TCF7L2: variants seen among roughly 807,000 people sequenced by gnomAD.
TCF7L2 encodes transcription factor 7 like 2, also known as transcription factor 7-like 2.
Under a neutral mutation model 77.9 loss-of-function variants are expected in TCF7L2, and 23 were observed. The observed-to-expected ratio is 0.30, with a 90% CI of 0.21 to 0.42. The LOEUF is 0.42. Ranked by LOEUF, TCF7L2 falls within the 10% of genes least tolerant of loss-of-function variation. The pLI is 1.00. For synonymous variants in TCF7L2, 413 were observed against 340.2 expected, an observed-to-expected ratio of 1.21 and a Z score of -2.36; for missense variants, 654 against 793.1, an observed-to-expected ratio of 0.82 and a Z score of 2.11.
At chr10:112,985,892 G>GTGTGTGTGTT (rs2041429559) in intron 4 of TCF7L2, among the ~76,000 whole-genome samples, 1 of 150,318 alleles carries the variant, frequency 6.7e-6, no homozygotes, top group Admixed American at 6.6e-5. Context: ...GTGTGTGTGT[G>GTGTGTGTGTT]CATTCTTGTT....
At chr10:113,010,883 G>C (rs1353912604) in intron 4 of TCF7L2, among the ~76,000 whole-genome samples, 2 of 152,190 alleles carry the variant, frequency 1.3e-5, no homozygotes, top group African/African-American at 4.8e-5. Flanking sequence ...GGGCCTGGTG[G>C]TGTGCACCTG....
rs375173408 is a variant in TCF7L2, at chr10:113,008,899, A to G, written c.451-31126A>G. ...CAGGTGTGGCCTCAAAATTCTGCTC[A>G]TGGAATAGCCTCAGGCTTCTATAAA... On this transcript the variant is annotated intron_variant, in intron 4 of 13. Transcript: ENST00000627217. Among the ~76,000 whole-genome samples, 260 of 152,232 alleles carry G rather than the reference A, an allele frequency of 1.7e-3. 1 individual carries two copies. Among genetic ancestry groups the G allele is most frequent in the African/African-American group, 5.7e-3 (236 of 41,540 alleles).
chr10:113,066,013 G>A (rs573909536), intron 5 of TCF7L2, among the ~76,000 whole-genome samples: 1 of 152,332 alleles, frequency 6.6e-6, no homozygotes, highest in South Asian at 2.1e-4. Flanking sequence ...CAAGGAGCAT[G>A]AGAATTACTG....
chr10:113,056,164 A>C (rs915694139), intron 5 of TCF7L2, among the ~76,000 whole-genome samples: 4 of 152,202 alleles, frequency 2.6e-5, no homozygotes, highest in Non-Finnish European at 4.4e-5. Flanking sequence ...AGGCTCCTTG[A>C]AGCAATTTTA....
chr10:113,119,542 A>T (rs1359786459), intron 5 of TCF7L2, among the ~76,000 whole-genome samples: 1 of 152,146 alleles, frequency 6.6e-6, no homozygotes, highest in African/African-American at 2.4e-5. Context: ...TAAAGAAACC[A>T]TGTTGGCACT....
At chr10:113,164,719 T>C (rs184331003) in intron 13 of TCF7L2, among the ~76,000 whole-genome samples, 1 of 152,214 alleles carries the variant, frequency 6.6e-6, no homozygotes, top group African/African-American at 2.4e-5. Context: ...CTCCCCCACC[T>C]TTGTTTATCC....
chr10:113,152,058 C>G (rs2070850648), intron 10 of TCF7L2, among the ~76,000 whole-genome samples, 174 bp downstream of exon 10: 1 of 152,178 alleles, frequency 6.6e-6, no homozygotes, highest in African/African-American at 2.4e-5. Flanking sequence ...ATTCTGCACT[C>G]AGCGTTCAGA....
chr10:113,060,766 G>C (rs1490745842), intron 5 of TCF7L2, among the ~76,000 whole-genome samples: 1 of 152,018 alleles, frequency 6.6e-6, no homozygotes, highest in Non-Finnish European at 1.5e-5. Context: ...AATACATAGG[G>C]AACAGTGTTG....
chr10:113,163,083 T>C (rs934293971), intron 13 of TCF7L2, among the ~76,000 whole-genome samples: 3 of 151,826 alleles, frequency 2.0e-5, no homozygotes, highest in African/African-American at 7.3e-5. Context: ...GAAATGTGTG[T>C]GCGTGCCAGC....
At chr10:113,036,766 C>G (rs1185882690) in intron 4 of TCF7L2, among the ~76,000 whole-genome samples, 1 of 151,954 alleles carries the variant, frequency 6.6e-6, no homozygotes, top group Non-Finnish European at 1.5e-5. Context: ...CATTTGATTG[C>G]AGTTTGTTGA....
intron 8 of TCF7L2, among the ~76,000 whole-genome samples, chr10:113,149,000 CCTCCCT>C (rs1032325067): frequency 9.8e-5 from 15 of 152,286 alleles, no homozygotes; most frequent in Admixed American, 4.6e-4. Flanking sequence ...TCTCTCTCCC[CCTCCCT>C]CTCCCTCTCA....
intron 5 of TCF7L2, among the ~76,000 whole-genome samples, chr10:113,099,890 G>A (rs1470964021): frequency 2.0e-5 from 3 of 152,270 alleles, no homozygotes; most frequent in South Asian, 2.1e-4. Context: ...CCAGAACACA[G>A]TTGTAGCTCT....
intron 4 of TCF7L2, among the ~76,000 whole-genome samples, chr10:112,992,603 G>A (rs1251896813): frequency 6.6e-6 from 1 of 152,114 alleles, no homozygotes; most frequent in African/African-American, 2.4e-5. Flanking sequence ...GCTCCTGGGA[G>A]GGAAGAGAGA....
At chr10:113,048,220 A>G (rs1252246969) in intron 5 of TCF7L2, among the ~76,000 whole-genome samples, 1 of 152,204 alleles carries the variant, frequency 6.6e-6, no homozygotes, top group Non-Finnish European at 1.5e-5. Context: ...ACTTAGAGCT[A>G]CACTCATGGT....
chr10:113,036,411 G>A (rs1054250873), intron 4 of TCF7L2, among the ~76,000 whole-genome samples: 1 of 152,050 alleles, frequency 6.6e-6, no homozygotes, highest in Non-Finnish European at 1.5e-5. Context: ...TTCATTGGGG[G>A]AGGTGGAAGA....
At chr10:113,017,627 C>G (rs577701005) in intron 4 of TCF7L2, among the ~76,000 whole-genome samples, 1 of 152,330 alleles carries the variant, frequency 6.6e-6, no homozygotes, top group East Asian at 1.9e-4. Flanking sequence ...GAGACACCCT[C>G]TCTGGTCACC....
intron 11 of TCF7L2, 66 bp downstream of exon 11, chr10:113,152,506 G>A: frequency 7.2e-7 from 1 of 1,383,574 alleles, no homozygotes; most frequent in Non-Finnish European, 1.0e-6. Context: ...TACGGACAAA[G>A]AGAACAGGAC....
At chr10:113,121,267 TCTTC>T (rs2064728260) in intron 5 of TCF7L2, among the ~76,000 whole-genome samples, 1 of 152,192 alleles carries the variant, frequency 6.6e-6, no homozygotes, top group Non-Finnish European at 1.5e-5. Flanking sequence ...TCTCCCGCCC[TCTTC>T]CTTCCTTCCT....
intron 3 of TCF7L2, among the ~76,000 whole-genome samples, chr10:112,959,001 A>G (rs564345908): frequency 3.0e-4 from 45 of 152,188 alleles, no homozygotes; most frequent in Non-Finnish European, 5.7e-4. Context: ...GTGTTTTTCT[A>G]TATGCTAGAA....
Sources: allele counts gnomAD v4.1 joint callset (sites outside exome capture counted in the v4.1 genomes callset), GRCh38; gene constraint gnomAD v4.1.1; transcripts MANE v1.5; gene names NCBI Gene and HGNC (gene_info 2026-07-23, HGNC 2026-07-21).